The following TRPC5 variants were observed in gnomAD, a reference collection of about 807,000 sequenced individuals.
TRPC5 encodes the protein transient receptor potential cation channel subfamily C member 5.
A neutral mutation model predicts 56.5 loss-of-function variants in TRPC5; 9 were observed. That is an observed-to-expected ratio of 0.16 (90% CI 0.10 to 0.28). The LOEUF (loss-of-function observed/expected upper bound fraction) is 0.28. Ranked by LOEUF, TRPC5 falls within the 10% of genes least tolerant of loss-of-function variation. The pLI is 1.00. For missense variants in TRPC5, 469 were observed against 748.9 expected (o/e 0.63, Z 4.36); for synonymous variants, 282 against 278.5 (o/e 1.01, Z -0.13).
rs1206321204 is a variant in TRPC5 at position 111,886,255 on chromosome X, G to A, written c.900+26036C>T. ...AGATCATGCCATTGCACTCCAGCCTGGGCGACAAGAGTGAAACTCTGTCAA... is the reference window on the plus strand; with the variant it reads ...AGATCATGCCATTGCACTCCAGCCTAGGCGACAAGAGTGAAACTCTGTCAA... On this transcript the variant is annotated intron_variant, in intron 3 of 10. Transcript: ENST00000262839. 2.7e-5 allele frequency among the ~76,000 whole-genome samples: 3 copies of A among 112,384 alleles called. No individual in the cohort carries two copies. The South Asian group carries it at 1.1e-3, about 42-fold the overall frequency.
chrX:111,943,547 C>G (rs1227707998), intron 2 of TRPC5, among the ~76,000 whole-genome samples: 1 of 112,439 alleles, frequency 8.9e-6, no homozygotes, highest in Non-Finnish European at 1.9e-5. Flanking sequence ...TTTGAGCCAT[C>G]TGCCACAGAC....
chrX:111,925,007 C>T (rs1926221360), intron 2 of TRPC5, among the ~76,000 whole-genome samples: 1 of 112,722 alleles, frequency 8.9e-6, no homozygotes, highest in Non-Finnish European at 1.9e-5. Flanking sequence ...AGGCATTTAT[C>T]ATGTAGTTAG....
In TRPC5 at chrX:111,825,228, T is replaced by TTC. The variant is rs56898407; in HGVS notation, c.1896+9691_1896+9692dup. ...CTTTCTTTCTTTCTTTCTTCTTTCT[T>TTC]TCTCTCTCTCTCTCTCTCTCTCTCT... On this transcript the variant is annotated intron_variant, in intron 7 of 10. Transcript: ENST00000262839. Among the ~76,000 whole-genome samples the TTC allele has an allele frequency of 3.6e-3, 276 of 75,971 alleles. 5 individuals are homozygous for TTC. The highest frequency in any genetic ancestry group is 9.5e-3 in the African/African-American group (145 of 15,333). The allele number at this position is 75,971 out of a possible 115,157, so 66.0% of individuals were successfully genotyped here. A position where few individuals can be genotyped will look rare whatever the true frequency, so the allele number is the denominator to read the frequency against.
At chrX:111,923,238 T>G (rs753715891) in intron 2 of TRPC5, among the ~76,000 whole-genome samples, 1 of 112,103 alleles carries the variant, frequency 8.9e-6, no homozygotes, top group East Asian at 2.8e-4. Context: ...CAGACATATC[T>G]TAAGTACATA....
intron 3 of TRPC5, among the ~76,000 whole-genome samples, chrX:111,870,230 G>C (rs1353742052): frequency 9.0e-6 from 1 of 111,608 alleles, no homozygotes; most frequent in Non-Finnish European, 1.9e-5. Context: ...GGACAGATTT[G>C]TTTTGGAATT....
chrX:111,840,111 A>G (rs1255913505), intron 6 of TRPC5, among the ~76,000 whole-genome samples: 1 of 112,512 alleles, frequency 8.9e-6, no homozygotes, highest in Non-Finnish European at 1.9e-5. Context: ...TGGAGCTTGC[A>G]GTGAGCCGAG....
intron 1 of TRPC5, among the ~76,000 whole-genome samples, chrX:112,073,292 C>T (rs979680483): frequency 1.8e-5 from 2 of 111,019 alleles, no homozygotes; most frequent in Admixed American, 9.5e-5. Flanking sequence ...TTTTTAGAGA[C>T]GGAGTCTCAC....
chrX:111,824,896 CA>C (rs1922142953), intron 7 of TRPC5, among the ~76,000 whole-genome samples: 1 of 111,425 alleles, frequency 9.0e-6, no homozygotes, highest in Non-Finnish European at 1.9e-5. Context: ...AACACTAGGC[CA>C]ATCCCCGCTG....
At chrX:111,909,172 AAC>A (rs1406815392) in intron 3 of TRPC5, among the ~76,000 whole-genome samples, 8 of 102,587 alleles carry the variant, frequency 7.8e-5, no homozygotes, top group South Asian at 4.3e-4. Flanking sequence ...AAAAAAAAAA[AAC>A]CAAAAATTTT....
intron 1 of TRPC5, among the ~76,000 whole-genome samples, chrX:112,045,267 G>A (rs1025332299): frequency 6.3e-5 from 7 of 111,967 alleles, no homozygotes; most frequent in African/African-American, 2.3e-4. Flanking sequence ...TTGATGACCT[G>A]TAGAAGAGGA....
At chrX:111,948,958 A>T (rs1927003539) in intron 2 of TRPC5, among the ~76,000 whole-genome samples, 1 of 111,589 alleles carries the variant, frequency 9.0e-6, no homozygotes, top group Non-Finnish European at 1.9e-5. Context: ...ACCAAGAAAG[A>T]TCAACCATGG....
At chrX:111,982,485 C>T (rs1323809252) in intron 1 of TRPC5, among the ~76,000 whole-genome samples, 1 of 111,321 alleles carries the variant, frequency 9.0e-6, no homozygotes, top group Non-Finnish European at 1.9e-5. Flanking sequence ...TTTCACTGAC[C>T]TTAATCACAG....
chrX:111,929,165 C>T (rs1234494034), intron 2 of TRPC5, among the ~76,000 whole-genome samples: 2 of 112,174 alleles, frequency 1.8e-5, no homozygotes, highest in Non-Finnish European at 3.8e-5. Context: ...GCAGGGATTG[C>T]TTGTCTTTTG....
chrX:111,899,700 C>G (rs1178669401), intron 3 of TRPC5, among the ~76,000 whole-genome samples: 1 of 110,958 alleles, frequency 9.0e-6, no homozygotes, highest in Non-Finnish European at 1.9e-5. Flanking sequence ...TGTGATGGTG[C>G]TCTCTTACAA....
At chrX:112,020,069 T>C (rs904807149) in intron 1 of TRPC5, among the ~76,000 whole-genome samples, 4 of 111,877 alleles carry the variant, frequency 3.6e-5, no homozygotes, top group African/African-American at 1.3e-4. Flanking sequence ...ACTAGGTTTT[T>C]CTCTTTTGAG....
intron 3 of TRPC5, among the ~76,000 whole-genome samples, chrX:111,871,764 A>G (rs1447518830): frequency 1.8e-5 from 2 of 111,600 alleles, no homozygotes; most frequent in South Asian, 3.8e-4. Context: ...GACACACTCT[A>G]TGTGCTATGG....
intron 3 of TRPC5, among the ~76,000 whole-genome samples, chrX:111,897,034 T>C (rs1447569207): frequency 8.9e-6 from 1 of 112,289 alleles, no homozygotes; most frequent in African/African-American, 3.2e-5. Flanking sequence ...ACAAACTTTG[T>C]TTAGTGCACA....
At chrX:111,853,627 ACT>A (rs1385909286) in intron 4 of TRPC5, 141 bp downstream of exon 4, 1 of 519,581 alleles carries the variant, frequency 1.9e-6, no homozygotes, top group Non-Finnish European at 3.2e-6. Context: ...CATTTCTGAG[ACT>A]CTCAACAAAG....
rs1945835408 is a variant in TRPC5, at chrX:111,770,225, T to C, written c.*6088A>G. The stretch of plus-strand genomic sequence containing the variant: ...TCATGTTGTTTTGACAAACCCACTT[T>C]ATTTCTTAGATAAAATTTGAAGGAA... On this transcript the variant is annotated 3_prime_UTR_variant, in exon 11 of 11. Transcript: ENST00000262839. Among the ~76,000 whole-genome samples the C allele has an allele frequency of 8.9e-6, 1 of 111,941 alleles. No individual in the cohort carries two copies. The highest frequency in any genetic ancestry group is 9.5e-5 in the Admixed American group (1 of 10,529).
Sources: allele counts gnomAD v4.1 joint callset (sites outside exome capture counted in the v4.1 genomes callset), GRCh38; gene constraint gnomAD v4.1.1; transcripts MANE v1.5; gene names NCBI Gene and HGNC (gene_info 2026-07-23, HGNC 2026-07-21).